The following FBXO11 variants were observed in gnomAD, a reference collection of about 807,000 sequenced individuals.
FBXO11 encodes F-box only protein 11.
FBXO11 carries 13 observed loss-of-function variants against 117.0 expected under a neutral mutation model. The ratio of observed to expected loss-of-function variants is 0.11; its 90% CI spans 0.07 to 0.18. The LOEUF (loss-of-function observed/expected upper bound fraction) is 0.18. FBXO11 is among the 10% of genes least tolerant of loss of function. The probability of loss-of-function intolerance (pLI) is 1.00; values close to 1 mark genes in which losing one functional copy is unlikely to be tolerated. For synonymous variants in FBXO11, 490 were observed against 380.5 expected (o/e 1.29, Z -3.35); for missense variants, 767 against 1,164.4 (o/e 0.66, Z 4.97).
intron 1 of FBXO11, among the ~76,000 whole-genome samples, chr2:47,886,388 C>G (rs1676849041): frequency 6.6e-6 from 1 of 151,976 alleles, no homozygotes; most frequent in South Asian, 2.1e-4. Flanking sequence ...TGCCTGTAAT[C>G]CCAGCTACTC....
At chr2:47,887,299 G>A (rs532381173) in intron 1 of FBXO11, among the ~76,000 whole-genome samples, 4 of 151,022 alleles carry the variant, frequency 2.6e-5, no homozygotes, top group Middle Eastern at 3.4e-3. Flanking sequence ...AAAAAAAGGT[G>A]GGGGGGAGGG....
At chr2:47,836,043 CT>C in intron 4 of FBXO11, 42 bp from the exon 5 acceptor site, 1 of 1,452,158 alleles carries the variant, frequency 6.9e-7, no homozygotes, top group Non-Finnish European at 9.4e-7. Flanking sequence ...ATAAAATGTC[CT>C]TTAGATTAAT....
chr2:47,821,125 C>T (rs1671347763), intron 13 of FBXO11, among the ~76,000 whole-genome samples: 1 of 152,202 alleles, frequency 6.6e-6, no homozygotes, highest in Admixed American at 6.5e-5. Context: ...TTTATATTTT[C>T]ATCCCTGGTA....
intron 5 of FBXO11, 83 bp downstream of exon 5, chr2:47,835,789 C>G (rs553395250): frequency 1.8e-6 from 2 of 1,125,860 alleles, no homozygotes; most frequent in African/African-American, 3.2e-5. Context: ...TGAGCCACCA[C>G]GCCCAGCCTA....
rs777372562 is a variant in FBXO11, at chr2:47,832,338, A to C, written c.1398+11T>G. ...GAAGTCCGTTTTTCTATTAAAAATA[A>C]GTGTTCTTACCATGCCATGATCAAA... is the stretch of plus-strand genomic sequence containing the variant. On this transcript the variant is annotated intron_variant, in intron 11 of 22. Coordinates refer to ENST00000403359, the MANE Select transcript of FBXO11 (RefSeq NM_001190274.2). 4.5e-6 allele frequency: 7 copies of C among 1,563,768 alleles called. No homozygotes were observed. Among genetic ancestry groups the C allele is most frequent in the Non-Finnish European group, 6.1e-6 (7 of 1,154,488 alleles).
chr2:47,832,547 A>G (rs1030267636), intron 10 of FBXO11, 25 bp downstream of exon 10: 1 of 1,607,112 alleles, frequency 6.2e-7, no homozygotes, highest in Non-Finnish European at 8.5e-7. Context: ...TAAAAAGAAA[A>G]AAACCACACA....
chr2:47,860,130 G>GTAA (rs1674640280), intron 1 of FBXO11, among the ~76,000 whole-genome samples: 1 of 152,086 alleles, frequency 6.6e-6, no homozygotes, highest in Non-Finnish European at 1.5e-5. Flanking sequence ...AAAGAACATG[G>GTAA]GTTTTAGAAC....
At position 47,809,280 on chromosome 2, in the gene FBXO11, AAG is replaced by A. The variant is rs1558400628; in HGVS notation, c.2447-16_2447-15del. ...TTATTTTGTTATCTGTAATAAAAGA[AAG>A]AATAAGTAAAAATTCAGAGGAATGT... On this transcript the variant is annotated splice_polypyrimidine_tract_variant and intron_variant, in intron 20 of 22. Coordinates refer to ENST00000403359, the MANE Select transcript of FBXO11 (RefSeq NM_001190274.2). 6.8e-7 allele frequency: 1 copy of A among 1,462,196 alleles called. No homozygotes were observed. The highest frequency in any genetic ancestry group is 1.9e-4 in the Middle Eastern group (1 of 5,394). The allele number at this position is 1,462,196 out of a possible 1,614,324, so 90.6% of individuals were successfully genotyped here.
At chr2:47,853,876 C>T (rs1305432951) in intron 1 of FBXO11, among the ~76,000 whole-genome samples, 4 of 152,186 alleles carry the variant, frequency 2.6e-5, no homozygotes, top group Non-Finnish European at 5.9e-5. Context: ...CTTCTAAAAA[C>T]TCTTATGAGG....
At chr2:47,814,081 G>A in intron 16 of FBXO11, 1 of 458,364 alleles carries the variant, frequency 2.2e-6, no homozygotes, top group Non-Finnish European at 4.0e-6. Flanking sequence ...TTATTGTAGA[G>A]TTTCCTAACA....
chr2:47,850,688 C>T lies in FBXO11; in HGVS notation c.233-10919G>A, dbSNP rs148391984. Among the ~76,000 whole-genome samples the T allele has an allele frequency of 2.3e-4, 35 of 152,258 alleles. 1 individual carries two copies. The highest frequency in any genetic ancestry group is 8.2e-4 in the African/African-American group (34 of 41,560). On this transcript the variant is annotated intron_variant, in intron 1 of 22. Transcript: ENST00000403359. Reference sequence around the variant, plus strand: ...GCCCAGAATTGACCAAAGTTCATAACTTTAGTTTGATTAAAAGAAAATCTC... The same window carrying T: ...GCCCAGAATTGACCAAAGTTCATAATTTTAGTTTGATTAAAAGAAAATCTC...
chr2:47,816,964 C>A (rs1432528736), intron 16 of FBXO11, among the ~76,000 whole-genome samples: 8 of 152,116 alleles, frequency 5.3e-5, no homozygotes, highest in East Asian at 1.9e-4. Context: ...GCTTAACTAA[C>A]CCTTAACAAG....
Position 47,837,713 on chromosome 2 carries a change from A to G in FBXO11, c.587+1146T>C, listed in dbSNP as rs187483577. 1.1e-3 allele frequency among the ~76,000 whole-genome samples: 173 copies of G among 152,298 alleles called. 1 individual carries two copies. The highest frequency in any genetic ancestry group is 2.2e-3 in the Admixed American group (34 of 15,300). ...TCATTTATTATAGTTGTGATTATAT[A>G]GCATATACAATTTTGTACTCTGTTC... is the stretch of plus-strand genomic sequence containing the variant. On this transcript the variant is annotated intron_variant, in intron 4 of 22. Coordinates refer to ENST00000403359, the MANE Select transcript of FBXO11 (RefSeq NM_001190274.2).
chr2:47,873,272 T>A (rs1385518365), intron 1 of FBXO11, among the ~76,000 whole-genome samples: 1 of 152,242 alleles, frequency 6.6e-6, no homozygotes, highest in Non-Finnish European at 1.5e-5. Flanking sequence ...CCTTCCCTTA[T>A]CTGTATCTGG....
rs1471895384 is a variant in FBXO11 at position 47,888,672 on chromosome 2, G to A, written c.232+16817C>T. On this transcript the variant is annotated intron_variant, in intron 1 of 22. Transcript: ENST00000403359. ...GAATAACACTTAAAATTTCCTGTTA[G>A]ACAGTTTTTCAGCCATTGCAATGTT... 9 of 983,096 alleles carry A rather than the reference G, an allele frequency of 9.2e-6. No homozygotes were observed. In the South Asian group the frequency reaches 3.8e-4, roughly 41 times the overall value. The allele number at this position is 983,096 out of a possible 1,614,324, so 60.9% of individuals were successfully genotyped here.
At chr2:47,812,951 A>G (rs1670727425) in intron 18 of FBXO11, 1 of 380,706 alleles carries the variant, frequency 2.6e-6, no homozygotes, top group Non-Finnish European at 4.9e-6. Context: ...TTATAATCAT[A>G]TTACTATTCT....
chr2:47,899,057 G>A (rs1005974974), intron 1 of FBXO11, among the ~76,000 whole-genome samples: 2 of 151,874 alleles, frequency 1.3e-5, no homozygotes, highest in Non-Finnish European at 2.9e-5. Flanking sequence ...GGCGGATCAC[G>A]AGGTCAGGAG....
chr2:47,868,435 C>G (rs1675364083), intron 1 of FBXO11, among the ~76,000 whole-genome samples: 1 of 151,994 alleles, frequency 6.6e-6, no homozygotes, highest in Non-Finnish European at 1.5e-5. Context: ...CTTGCTGGGC[C>G]CTTCCAATTG....
At chr2:47,864,670 A>G (rs1353630018) in intron 1 of FBXO11, among the ~76,000 whole-genome samples, 1 of 152,186 alleles carries the variant, frequency 6.6e-6, no homozygotes, top group African/African-American at 2.4e-5. Flanking sequence ...TTATGTTATA[A>G]ACAAACAATA....
Sources: allele counts gnomAD v4.1 joint callset (sites outside exome capture counted in the v4.1 genomes callset), GRCh38; gene constraint gnomAD v4.1.1; transcripts MANE v1.5; gene names NCBI Gene and HGNC (gene_info 2026-07-23, HGNC 2026-07-21).